OTUD7A: variants seen among roughly 807,000 people sequenced by gnomAD.
OTUD7A encodes the protein OTU deubiquitinase 7A.
In OTUD7A, 12 loss-of-function variants were observed where a neutral mutation model predicts 65.7. That is an observed-to-expected ratio of 0.18 (90% confidence interval 0.12 to 0.30). OTUD7A has a LOEUF of 0.30. Among genes scored for constraint, OTUD7A ranks in the 10% least tolerant of loss-of-function variants. OTUD7A has a pLI of 1.00. For synonymous variants in OTUD7A, 641 were observed against 586.3 expected (o/e 1.09, Z -1.35); for missense variants, 1,148 against 1,304.8 (o/e 0.88, Z 1.85).
At chr15:31,811,650 C>T (rs997617174) in intron 1 of OTUD7A, among the ~76,000 whole-genome samples, 3 of 152,050 alleles carry the variant, frequency 2.0e-5, no homozygotes, top group Non-Finnish European at 4.4e-5. Flanking sequence ...CCCGGGGCTC[C>T]GGGTGCTGGT....
intron 3 of OTUD7A, among the ~76,000 whole-genome samples, chr15:31,647,153 GACC>G (rs939932228): frequency 1.3e-5 from 2 of 152,160 alleles, no homozygotes; most frequent in African/African-American, 4.8e-5. Context: ...AGTATTTCTA[GACC>G]CACTGATGGT....
intron 1 of OTUD7A, among the ~76,000 whole-genome samples, chr15:31,690,255 T>TAAAACAAC (rs1373828940): frequency 2.0e-5 from 3 of 152,236 alleles, no homozygotes; most frequent in African/African-American, 7.2e-5. Context: ...TAAGCTTCAG[T>TAAAACAAC]TCTATATTAT....
chr15:31,668,288 T>C (rs190174267), intron 1 of OTUD7A, among the ~76,000 whole-genome samples: 6 of 152,310 alleles, frequency 3.9e-5, no homozygotes, highest in African/African-American at 7.2e-5. Flanking sequence ...CTGATTATTC[T>C]TAGGTTTGGT....
chr15:31,849,130 G>A (rs1015894220), intron 1 of OTUD7A, among the ~76,000 whole-genome samples: 1 of 152,074 alleles, frequency 6.6e-6, no homozygotes, highest in African/African-American at 2.4e-5. Flanking sequence ...CTTTCTCTCT[G>A]GCTGCTACCT....
chr15:31,531,157 CT>C (rs1209050695), intron 5 of OTUD7A, among the ~76,000 whole-genome samples: 2 of 152,066 alleles, frequency 1.3e-5, no homozygotes, highest in Middle Eastern at 3.2e-3. Flanking sequence ...CACCGTCTTG[CT>C]TTTTTGAGGC....
intron 1 of OTUD7A, among the ~76,000 whole-genome samples, chr15:31,785,669 C>A (rs1232992911): frequency 5.3e-5 from 8 of 152,284 alleles, no homozygotes; most frequent in African/African-American, 1.4e-4. Flanking sequence ...AACATTCCTG[C>A]TGTACCCCAA....
intron 1 of OTUD7A, among the ~76,000 whole-genome samples, chr15:31,796,061 C>G (rs58516464): frequency 0.12 from 18,997 of 151,988 alleles, 1,603 homozygotes; most frequent in South Asian, 0.35. Flanking sequence ...AGAGTCACAG[C>G]AGGGATCACC....
At chr15:31,756,681 C>T (rs1308326466) in intron 1 of OTUD7A, among the ~76,000 whole-genome samples, 3 of 114,108 alleles carry the variant, frequency 2.6e-5, no homozygotes, top group African/African-American at 9.7e-5. Context: ...CACACACACA[C>T]ACACTGCTTT....
chr15:31,746,958 G>A (rs547318852), intron 1 of OTUD7A, among the ~76,000 whole-genome samples: 12 of 152,156 alleles, frequency 7.9e-5, no homozygotes, highest in Admixed American at 1.3e-4. Flanking sequence ...TGGTAGATGC[G>A]TTTGTCAGAA....
At chr15:31,670,926 C>T (rs534504039) in intron 1 of OTUD7A, among the ~76,000 whole-genome samples, 17 of 151,626 alleles carry the variant, frequency 1.1e-4, no homozygotes, top group East Asian at 2.0e-4. Context: ...ACCCGGGAGG[C>T]GGAGCTTGCA....
chr15:31,740,094 C>T (rs998816081), intron 1 of OTUD7A, among the ~76,000 whole-genome samples: 37 of 152,142 alleles, frequency 2.4e-4, no homozygotes, highest in African/African-American at 8.4e-4. Flanking sequence ...GAAGGCCTAG[C>T]GGAGTGTGAG....
intron 1 of OTUD7A, among the ~76,000 whole-genome samples, chr15:31,775,111 CACA>C (rs757151315): frequency 3.3e-5 from 5 of 151,912 alleles, no homozygotes; most frequent in Non-Finnish European, 5.9e-5. Context: ...CACACACACA[CACA>C]CACACCCCTC....
chr15:31,763,488 T>C (rs1010169575), intron 1 of OTUD7A, among the ~76,000 whole-genome samples: 4 of 152,002 alleles, frequency 2.6e-5, no homozygotes, highest in Non-Finnish European at 5.9e-5. Context: ...AATTATCTAA[T>C]TGGAACATCG....
intron 1 of OTUD7A, among the ~76,000 whole-genome samples, chr15:31,769,038 C>T (rs1895162843): frequency 6.6e-6 from 1 of 152,094 alleles, no homozygotes; most frequent in African/African-American, 2.4e-5. Context: ...ATGCAAAGGG[C>T]TGAAATATGC....
intron 9 of OTUD7A, among the ~76,000 whole-genome samples, chr15:31,503,211 A>G (rs1011458744): frequency 6.6e-6 from 1 of 152,232 alleles, no homozygotes; most frequent in African/African-American, 2.4e-5. Flanking sequence ...TGGGCAGGCC[A>G]TAAACTGCCC....
At position 31,483,454 on chromosome 15, in the gene OTUD7A, G is replaced by C. The variant is rs2041168165; in HGVS notation, c.2642C>G (p.Ser881Trp). The C allele has an allele frequency of 1.2e-5, 16 of 1,380,626 alleles. No homozygotes were observed. Among genetic ancestry groups the C allele is most frequent in the Non-Finnish European group, 1.5e-5 (16 of 1,067,320 alleles). The allele number at this position is 1,380,626 out of a possible 1,614,324, so 85.5% of individuals were successfully genotyped here. Reference protein sequence around the residue: ...FADADAPTARSNGECGRGGPG... With the variant: ...FADADAPTARWNGECGRGGPG... ...GCCGCCACGGCCGCACTCACCGTTC[G>C]AGCGCGCGGTCGGCGCGTCGGCGTC... The change falls in exon 13 of 13, where the codon TCG becomes TGG. Residue 881 changes from serine to tryptophan, a missense_variant. Ser to Trp is a radical substitution (Grantham distance 177, BLOSUM62 -3). Transcript: ENST00000307050.
chr15:31,836,672 T>G (rs1192810928), intron 1 of OTUD7A, among the ~76,000 whole-genome samples: 7 of 152,184 alleles, frequency 4.6e-5, no homozygotes, highest in Admixed American at 3.9e-4. Context: ...ATTCCAGGGA[T>G]GCAAGGCTAG....
At chr15:31,856,740 G>A (rs1424043874) in intron 1 of OTUD7A, among the ~76,000 whole-genome samples, 5 of 152,176 alleles carry the variant, frequency 3.3e-5, no homozygotes, top group East Asian at 3.9e-4. Flanking sequence ...GACGCACAGC[G>A]GACAAAGGTT....
chr15:31,673,435 G>T (rs1892528937), intron 1 of OTUD7A, among the ~76,000 whole-genome samples: 1 of 152,194 alleles, frequency 6.6e-6, no homozygotes, highest in South Asian at 2.1e-4. Context: ...ACCCTGAAAA[G>T]ATCACCTTAC....
Sources: gnomAD v4.1 joint callset for allele counts (sites outside exome capture counted in the v4.1 genomes callset) on GRCh38, gnomAD v4.1.1 for gene constraint, MANE v1.5 for transcripts, NCBI Gene and HGNC (gene_info 2026-07-23, HGNC 2026-07-21) for gene names.